HS1BP3: variants seen among roughly 807,000 people sequenced by gnomAD.
The protein encoded by HS1BP3 is HCLS1-binding protein 3.
HS1BP3 carries 32 observed loss-of-function variants against 33.5 expected under a neutral mutation model. The ratio of observed to expected loss-of-function variants is 0.95; its 90% CI spans 0.72 to 1.28. The LOEUF (loss-of-function observed/expected upper bound fraction) is 1.28. Ranked by LOEUF, HS1BP3 falls within the 50% of genes most tolerant of loss-of-function variation. HS1BP3 has a pLI of 0.00. For synonymous variants in HS1BP3, 187 were observed against 209.2 expected, an observed-to-expected ratio of 0.89 and a Z score of 0.92; for missense variants, 486 against 502.3, an observed-to-expected ratio of 0.97 and a Z score of 0.31.
chr2:20,609,850 G>T (rs1196610562), intron 2 of HS1BP3, among the ~76,000 whole-genome samples: 1 of 152,082 alleles, frequency 6.6e-6, no homozygotes, highest in Non-Finnish European at 1.5e-5. Context: ...CCTTGACTCA[G>T]TTTTTCCCAT....
At chr2:20,561,333 AG>A (rs911792739) in intron 5 of HS1BP3, among the ~76,000 whole-genome samples, 39 of 152,326 alleles carry the variant, frequency 2.6e-4, no homozygotes, top group African/African-American at 8.7e-4. Context: ...CAGCTGACTC[AG>A]GGCCTGCAGA....
chr2:20,558,106 A>G (rs1304901746), downstream of HS1BP3, among the ~76,000 whole-genome samples: 1 of 152,198 alleles, frequency 6.6e-6, no homozygotes, highest in African/African-American at 2.4e-5. Context: ...CATGTGATTT[A>G]GTTGAGCGGG....
At chr2:20,557,317 G>GT (rs1040592505), downstream of HS1BP3, among the ~76,000 whole-genome samples, 3 of 152,182 alleles carry the variant, frequency 2.0e-5, no homozygotes, top group African/African-American at 4.8e-5. Context: ...ACAAAGACCT[G>GT]TATTTTCCAA....
intron 4 of HS1BP3, among the ~76,000 whole-genome samples, chr2:20,630,249 T>C (rs2149295371): frequency 6.6e-6 from 1 of 152,310 alleles, no homozygotes; most frequent in East Asian, 1.9e-4. Context: ...TTCAGCTGTT[T>C]GGTGTCTTTT....
chr2:20,570,864 T>C (rs1029580465), intron 5 of HS1BP3, among the ~76,000 whole-genome samples: 2 of 152,154 alleles, frequency 1.3e-5, no homozygotes, highest in Non-Finnish European at 2.9e-5. Flanking sequence ...GGGTCACTGT[T>C]TGGCTTGCTT....
At chr2:20,628,347 T>A (rs1694857098) in intron 4 of HS1BP3, among the ~76,000 whole-genome samples, 1 of 152,094 alleles carries the variant, frequency 6.6e-6, no homozygotes, top group Non-Finnish European at 1.5e-5. Context: ...CCCAGCACTT[T>A]CGGAGGCTGA....
intron 2 of HS1BP3, chr2:20,606,705 G>T: frequency 3.7e-6 from 1 of 267,386 alleles, no homozygotes; most frequent in Non-Finnish European, 7.4e-6. Flanking sequence ...TAAGATGTCA[G>T]ACAAAAAGAC....
intron 5 of HS1BP3, among the ~76,000 whole-genome samples, chr2:20,562,177 T>A (rs1183859694): frequency 6.6e-6 from 1 of 152,086 alleles, no homozygotes; most frequent in Non-Finnish European, 1.5e-5. Context: ...CTCTGTAACA[T>A]CCTTTATAAT....
downstream of HS1BP3, among the ~76,000 whole-genome samples, chr2:20,559,826 T>TCACC (rs1692947019): frequency 6.6e-6 from 1 of 152,214 alleles, no homozygotes; most frequent in African/African-American, 2.4e-5. Flanking sequence ...TCAGCCTTTC[T>TCACC]CACCCTGCCT....
At chr2:20,554,599 T>G in the HS1BP3 span, among the ~76,000 whole-genome samples, 1 of 151,626 alleles carries the variant, frequency 6.6e-6, no homozygotes, top group Admixed American at 6.6e-5. Flanking sequence ...GGTGGGTACC[T>G]GTAATCCAGC....
chr2:20,603,606 T>C (rs2149283700), intron 2 of HS1BP3, among the ~76,000 whole-genome samples: 1 of 152,378 alleles, frequency 6.6e-6, no homozygotes, highest in South Asian at 2.1e-4. Flanking sequence ...TGGGGTTTGA[T>C]GGCTAAGGAG....
intron 5 of HS1BP3, among the ~76,000 whole-genome samples, chr2:20,568,145 G>C (rs1693180480): frequency 6.6e-6 from 1 of 152,178 alleles, no homozygotes; most frequent in Non-Finnish European, 1.5e-5. Flanking sequence ...TCTAGCTGGA[G>C]ACAGACACAA....
the HS1BP3 span, among the ~76,000 whole-genome samples, chr2:20,554,314 T>C: frequency 3.3e-5 from 5 of 152,342 alleles, no homozygotes; most frequent in Admixed American, 3.3e-4. Context: ...TCACTGGTCA[T>C]GCGTCTCAAT....
At chr2:20,590,984 A>T (rs947088334), downstream of HS1BP3, 3 of 167,216 alleles carry the variant, frequency 1.8e-5, no homozygotes, top group African/African-American at 7.2e-5. Flanking sequence ...ATATTTGTCC[A>T]TCAGGCTGCC....
At position 20,618,692 on chromosome 2, in the gene HS1BP3, G is replaced by A. The variant is rs1368154150; in HGVS notation, c.*295C>T. On this transcript the variant is annotated 3_prime_UTR_variant, in exon 7 of 7. Coordinates refer to ENST00000304031, the MANE Select transcript of HS1BP3 (RefSeq NM_022460.4). ...TGTCTTGCTTCATCCTTGGGGCTGG[G>A]CTTCTGGTTGGCAAGGCATCCCCAC... 1 of 1,242,660 alleles carries A rather than the reference G, an allele frequency of 8.0e-7. No homozygotes were observed. The highest frequency in any genetic ancestry group is 1.0e-6 in the Non-Finnish European group (1 of 989,118). 77.0% of individuals were successfully genotyped at this position (1,242,660 alleles called of 1,614,324 possible).
At chr2:20,623,420 A>G (rs1694666616) in intron 6 of HS1BP3, 2 of 154,184 alleles carry the variant, frequency 1.3e-5, no homozygotes, top group Non-Finnish European at 2.9e-5. Flanking sequence ...TCCATGTGAC[A>G]GCTGAGGCCT....
At chr2:20,582,241 T>C (rs935013569) in intron 5 of HS1BP3, among the ~76,000 whole-genome samples, 26 of 152,074 alleles carry the variant, frequency 1.7e-4, no homozygotes, top group Admixed American at 1.2e-3. Context: ...CCCCAGGCAG[T>C]GTAGAATAGC....
At chr2:20,560,504 T>G (rs976030163) in exon 6 of HS1BP3, 1 of 152,288 alleles carries the variant, frequency 6.6e-6, no homozygotes, top group African/African-American at 2.4e-5. Context: ...AAATCCCTTA[T>G]GAGCCAGTGT....
intron 5 of HS1BP3, among the ~76,000 whole-genome samples, chr2:20,565,574 G>C (rs148773449): frequency 8.5e-5 from 13 of 152,364 alleles, no homozygotes; most frequent in African/African-American, 3.1e-4. Flanking sequence ...AACTAGGAAA[G>C]GGTGGTGGTG....
Sources: allele counts gnomAD v4.1 joint callset (sites outside exome capture counted in the v4.1 genomes callset), GRCh38; gene constraint gnomAD v4.1.1; transcripts MANE v1.5; gene names NCBI Gene and HGNC (gene_info 2026-07-23, HGNC 2026-07-21).